Variants in SLC30A8 observed in about 807,000 individuals in gnomAD.
SLC30A8 encodes the protein proton-coupled zinc antiporter SLC30A8.
Under a neutral mutation model 36.9 loss-of-function variants are expected in SLC30A8, and 27 were observed. That is an observed-to-expected ratio of 0.73 (90% CI 0.54 to 1.01). The LOEUF (loss-of-function observed/expected upper bound fraction) is 1.01. Among genes scored for constraint, SLC30A8 ranks in the 50% least tolerant of loss-of-function variants. SLC30A8 has a pLI of 0.00. For missense variants in SLC30A8, 439 were observed against 452.0 expected, an observed-to-expected ratio of 0.97 and a Z score of 0.26; for synonymous variants, 164 against 172.4, an observed-to-expected ratio of 0.95 and a Z score of 0.38.
At chr8:117,044,440 G>T (rs990920887) in intron 2 of SLC30A8, among the ~76,000 whole-genome samples, 8 of 152,108 alleles carry the variant, frequency 5.3e-5, no homozygotes, top group Non-Finnish European at 1.5e-5. Context: ...TTTTAGACGC[G>T]CCCACCAGTC....
At chr8:117,141,281 G>T (rs984960875) in intron 1 of SLC30A8, among the ~76,000 whole-genome samples, 3 of 152,030 alleles carry the variant, frequency 2.0e-5, no homozygotes, top group Non-Finnish European at 4.4e-5. Flanking sequence ...TCCTTGAAAA[G>T]ACTAATGAAC....
At chr8:117,034,284 T>C (rs1817143394) in intron 1 of SLC30A8, among the ~76,000 whole-genome samples, 2 of 152,312 alleles carry the variant, frequency 1.3e-5, no homozygotes, top group South Asian at 4.1e-4. Context: ...TCATAAGCAT[T>C]ATAAGGGCTT....
At chr8:117,055,626 A>G (rs1039101555) in intron 2 of SLC30A8, among the ~76,000 whole-genome samples, 1 of 152,330 alleles carries the variant, frequency 6.6e-6, no homozygotes, top group South Asian at 2.1e-4. Context: ...CCCTAATGTG[A>G]TCATCATTAT....
rs577547422 is a variant in SLC30A8 at position 116,953,491 on chromosome 8, T to G, written c.-266+2372T>G. Among the ~76,000 whole-genome samples, 6 of 152,362 alleles carry G rather than the reference T, an allele frequency of 3.9e-5. No homozygotes were observed. The East Asian group carries it at 1.2e-3, about 29-fold the overall frequency. On this transcript the variant is annotated intron_variant, in intron 1 of 10. Coordinates refer to the SLC30A8 transcript ENST00000427715. ...TTTTCATTTCCTTTGATGTTGATAA[T>G]TACATTGCTTGTTCTGCTTAGCTTT... is the stretch of plus-strand genomic sequence containing the variant.
At chr8:117,036,133 T>A in intron 1 of SLC30A8, among the ~76,000 whole-genome samples, 1 of 152,196 alleles carries the variant, frequency 6.6e-6, no homozygotes, top group East Asian at 1.9e-4. Context: ...AATGGGGTTT[T>A]CTTTTCTACC....
chr8:117,151,133 C>A (rs4876703), intron 2 of SLC30A8, among the ~76,000 whole-genome samples: 57,509 of 151,846 alleles, frequency 0.38, 13,681 homozygotes, highest in African/African-American at 0.68. Flanking sequence ...TATTTTAGTC[C>A]GTGCTTTTAT....
intron 2 of SLC30A8, among the ~76,000 whole-genome samples, chr8:117,057,656 A>G (rs2130781551): frequency 6.6e-6 from 1 of 152,276 alleles, no homozygotes; most frequent in Non-Finnish European, 1.5e-5. Context: ...TCACAGAGTA[A>G]TGTCCTCCAG....
Position 117,147,129 on chromosome 8 carries a change from A to G in SLC30A8, c.247A>G (p.Ile83Val), listed in dbSNP as rs1262142890. The G allele has an allele frequency of 1.2e-6, 2 of 1,613,934 alleles. No individual in the cohort carries two copies. The highest frequency in any genetic ancestry group is 2.2e-5 in the East Asian group (1 of 44,868). Reference protein sequence around the residue: ...KLCSASAICFIFMIAEVVGGH... With the variant: ...KLCSASAICFVFMIAEVVGGH... The stretch of plus-strand genomic sequence containing the variant: ...CTGTTCTGCTTCAGCAATATGCTTC[A>G]TTTTCATGATTGCAGAGGTCGTGGG... The change falls in exon 2 of 8, where the codon ATT becomes GTT. Residue 83 changes from isoleucine to valine, a missense_variant. Coordinates refer to ENST00000456015, the MANE Select transcript of SLC30A8 (RefSeq NM_173851.3).
rs116019866 is a variant in SLC30A8 at position 117,057,675 on chromosome 8, A to G, written c.-226+18417A>G. Among the ~76,000 whole-genome samples, 1,488 of 152,242 alleles carry G rather than the reference A, an allele frequency of 9.8e-3. 21 individuals are homozygous for G. The highest frequency in any genetic ancestry group is 0.034 in the African/African-American group (1,400 of 41,548). On this transcript the variant is annotated intron_variant, in intron 2 of 10. Transcript: ENST00000427715. ...AGAGTAATGTCCTCCAGGTTTATCCATGTTGCCAAAAATGGTAAGATTTTC... is the reference window on the plus strand; with the variant it reads ...AGAGTAATGTCCTCCAGGTTTATCCGTGTTGCCAAAAATGGTAAGATTTTC...
At chr8:117,140,302 GA>G (rs1165626751) in intron 1 of SLC30A8, among the ~76,000 whole-genome samples, 1 of 152,078 alleles carries the variant, frequency 6.6e-6, no homozygotes, top group South Asian at 2.1e-4. Context: ...AAGAGGGCCA[GA>G]AGGAGAGAGA....
rs1035164840 is a variant in SLC30A8 at position 117,135,324 on chromosome 8, C to T, written c.-4C>T. ...AACAACAGCCGCAGCTCATCCTGGC[C>T]GTCATGGAGTTTCTTGAAAGAACGT... On this transcript the variant is annotated 5_prime_UTR_variant, in exon 1 of 8. Coordinates refer to ENST00000456015, the MANE Select transcript of SLC30A8 (RefSeq NM_173851.3). 13 of 1,586,778 alleles carry T rather than the reference C, an allele frequency of 8.2e-6. No homozygotes were observed. Among genetic ancestry groups the T allele is most frequent in the South Asian group, 2.3e-5 (2 of 85,730 alleles).
chr8:117,032,430 CTG>C lies in SLC30A8; in HGVS notation c.-265-6786_-265-6785del, dbSNP rs200832344. ...GATGTAAAAAAATACTTTATAGAGA[CTG>C]TGAAATTGTGGTTGTTTCATTTTTC... On this transcript the variant is annotated intron_variant, in intron 1 of 10. Coordinates refer to the SLC30A8 transcript ENST00000427715. Among the ~76,000 whole-genome samples the C allele has an allele frequency of 6.1e-4, 93 of 152,302 alleles. 2 individuals are homozygous for C. The East Asian group carries it at 0.016, about 26-fold the overall frequency.
rs117843077 is a variant in SLC30A8 at position 117,066,351 on chromosome 8, C to A, written c.-226+27093C>A. Among the ~76,000 whole-genome samples the A allele has an allele frequency of 2.4e-3, 372 of 152,270 alleles. 1 individual carries two copies. Among genetic ancestry groups the A allele is most frequent in the Admixed American group, 3.5e-3 (54 of 15,298 alleles). ...TGTCCTTTCTTCCTAGTAACTTGTT[C>A]AGAGATTTTAAATTAGAGAGAAAGA... On this transcript the variant is annotated intron_variant, in intron 2 of 10. Coordinates refer to the SLC30A8 transcript ENST00000427715.
chr8:117,169,116 C>T (rs1353413585), intron 6 of SLC30A8, among the ~76,000 whole-genome samples: 1 of 152,118 alleles, frequency 6.6e-6, no homozygotes, highest in Non-Finnish European at 1.5e-5. Context: ...ACAAGAACTC[C>T]TTTCATCTGC....
At chr8:117,137,125 C>T (rs933037892) in intron 1 of SLC30A8, among the ~76,000 whole-genome samples, 1 of 151,908 alleles carries the variant, frequency 6.6e-6, no homozygotes, top group Non-Finnish European at 1.5e-5. Flanking sequence ...CCGTCTACAT[C>T]TCCTGTACCC....
At chr8:117,093,599 C>G (rs1819229305) in intron 2 of SLC30A8, among the ~76,000 whole-genome samples, 1 of 152,070 alleles carries the variant, frequency 6.6e-6, no homozygotes, top group African/African-American at 2.4e-5. Flanking sequence ...TGTTTTTCTA[C>G]TAGTTAGTGT....
rs777987857 is a variant in SLC30A8, at chr8:117,172,534, A to G, written c.965-2A>G. The G allele has an allele frequency of 6.2e-7, 1 of 1,613,628 alleles. No individual in the cohort carries two copies. The highest frequency in any genetic ancestry group is 1.1e-5 in the South Asian group (1 of 91,086). On this transcript the variant is annotated splice_acceptor_variant, in intron 7 of 7. Coordinates refer to ENST00000456015, the MANE Select transcript of SLC30A8 (RefSeq NM_173851.3). LOFTEE classifies it high-confidence loss of function. ...AATCTCCCTGTGCTTCTTTATCAAC[A>G]GCAGCCAGCCGGGACAGCCAAGTGG... is the stretch of plus-strand genomic sequence containing the variant.
intron 1 of SLC30A8, among the ~76,000 whole-genome samples, chr8:117,010,401 T>G (rs2130703214): frequency 6.6e-6 from 1 of 152,290 alleles, no homozygotes; most frequent in Non-Finnish European, 1.5e-5. Context: ...CTCCACGGCC[T>G]AGTAGTTGTG....
At chr8:117,060,907 A>G (rs908906111) in intron 2 of SLC30A8, among the ~76,000 whole-genome samples, 13 of 152,026 alleles carry the variant, frequency 8.6e-5, no homozygotes, top group African/African-American at 2.4e-4. Context: ...AAATATTTCA[A>G]TGAATTTTGT....
Sources: gnomAD v4.1 joint callset for allele counts (sites outside exome capture counted in the v4.1 genomes callset) on GRCh38, gnomAD v4.1.1 for gene constraint, MANE v1.5 for transcripts, NCBI Gene and HGNC (gene_info 2026-07-23, HGNC 2026-07-21) for gene names.